Variants in KIAA1614 observed in about 807,000 individuals in gnomAD.
KIAA1614 encodes the protein uncharacterized protein KIAA1614.
Under a neutral mutation model 88.7 loss-of-function variants are expected in KIAA1614, and 76 were observed. The observed-to-expected ratio is 0.86, with a 90% CI of 0.71 to 1.04. The LOEUF is 1.04. KIAA1614 is among the 50% of genes least tolerant of loss of function. The probability of loss-of-function intolerance (pLI) is 0.00; values close to 1 mark genes in which losing one functional copy is unlikely to be tolerated. For synonymous variants in KIAA1614, 714 were observed against 675.5 expected, an observed-to-expected ratio of 1.06 and a Z score of -0.88; for missense variants, 1,553 against 1,582.5, an observed-to-expected ratio of 0.98 and a Z score of 0.32.
Position 180,944,374 on chromosome 1 carries a change from TC to T in KIAA1614, c.3160-12del. On this transcript the variant is annotated splice_polypyrimidine_tract_variant and intron_variant, in intron 7 of 8. Coordinates refer to ENST00000367588, the MANE Select transcript of KIAA1614 (RefSeq NM_020950.2). Reference sequence around the variant, plus strand: ...GTAGCTTTTCTCACCCGCAATATTGTCCCTTTCTCATCAGGTGTCACCCTCT... The same window carrying T: ...GTAGCTTTTCTCACCCGCAATATTGTCCTTTCTCATCAGGTGTCACCCTCT... The T allele has an allele frequency of 6.2e-7, 1 of 1,611,162 alleles. No individual in the cohort carries two copies. Among genetic ancestry groups the T allele is most frequent in the Non-Finnish European group, 8.5e-7 (1 of 1,178,126 alleles).
At position 180,947,467 on chromosome 1, in the gene KIAA1614, G is replaced by A. The variant is rs1199561914; in HGVS notation, c.*1879G>A. 2 of 152,158 alleles carry A rather than the reference G, an allele frequency of 1.3e-5. No homozygotes were observed. The highest frequency in any genetic ancestry group is 6.5e-5 in the Admixed American group (1 of 15,272). 9.4% of individuals were successfully genotyped at this position (152,158 alleles called of 1,614,324 possible). A position where few individuals can be genotyped will look rare whatever the true frequency, so the allele number is the denominator to read the frequency against. On this transcript the variant is annotated 3_prime_UTR_variant, in exon 9 of 9. Transcript: ENST00000367588. ...GGGAACGGCTGTGGAGATGGGGAGA[G>A]GGGAGAGGGGACAGGGGTTGGATTC...
intron 7 of KIAA1614, among the ~76,000 whole-genome samples, chr1:180,941,608 C>T (rs1456575000): frequency 6.6e-6 from 1 of 152,202 alleles, no homozygotes; most frequent in Non-Finnish European, 1.5e-5. Flanking sequence ...TTCTCCATGG[C>T]CATAGTGACT....
rs375396198 is a variant in KIAA1614 at position 180,924,979 on chromosome 1, ACTTAT to A, written c.1062-3446_1062-3442del. Among the ~76,000 whole-genome samples, 779 of 152,124 alleles carry A rather than the reference ACTTAT, an allele frequency of 5.1e-3. 6 individuals carry two copies. Among genetic ancestry groups the A allele is most frequent in the Non-Finnish European group, 8.8e-3 (601 of 67,996 alleles). The stretch of plus-strand genomic sequence containing the variant: ...AATCTCTTTTAAAGGAGTCACTCTC[ACTTAT>A]CTTAACAACTGAGCCCTTATTTAGC... On this transcript the variant is annotated intron_variant, in intron 3 of 8. Coordinates refer to ENST00000367588, the MANE Select transcript of KIAA1614 (RefSeq NM_020950.2).
intron 3 of KIAA1614, among the ~76,000 whole-genome samples, chr1:180,919,600 A>G (rs1285036142): frequency 6.6e-6 from 1 of 151,982 alleles, no homozygotes; most frequent in Non-Finnish European, 1.5e-5. Flanking sequence ...TCCTCCCTCG[A>G]TGAGGGAAGG....
intron 3 of KIAA1614, among the ~76,000 whole-genome samples, chr1:180,924,910 A>AATAATAATAATAATAAT (rs1475244918): frequency 1.4e-4 from 1 of 7,198 alleles, no homozygotes; most frequent in African/African-American, 2.2e-4. Context: ...ATAATAATAA[A>AATAATAATAATAATAAT]TGCTAACATT....
At position 180,950,331 on chromosome 1, in the gene KIAA1614, C is replaced by G; in HGVS notation, c.*4743C>G. 1.7e-6 allele frequency: 2 copies of G among 1,188,052 alleles called. No individual in the cohort carries two copies. Among genetic ancestry groups the G allele is most frequent in the Non-Finnish European group, 2.1e-6 (2 of 938,048 alleles). 73.6% of individuals were successfully genotyped at this position (1,188,052 alleles called of 1,614,324 possible). A position where few individuals can be genotyped will look rare whatever the true frequency, so the allele number is the denominator to read the frequency against. On this transcript the variant is annotated 3_prime_UTR_variant, in exon 9 of 9. Transcript: ENST00000367588. ...TGTCATTGTGAAATTCTCCTGTTTTCCTCTGCAGGGATCTACGTGCAGGAG... is the reference window on the plus strand; with the variant it reads ...TGTCATTGTGAAATTCTCCTGTTTTGCTCTGCAGGGATCTACGTGCAGGAG...
Position 180,941,397 on chromosome 1 carries a change from CAGT to C in KIAA1614, c.3159+115_3159+117del, listed in dbSNP as rs1654461689. On this transcript the variant is annotated intron_variant, in intron 7 of 8. Coordinates refer to ENST00000367588, the MANE Select transcript of KIAA1614 (RefSeq NM_020950.2). ...ATGAGGATGCCTCCCAAGGAGCCCA[CAGT>C]AGGGAGACGGAAGCTGCTGGCATCC... 2.6e-5 allele frequency: 34 copies of C among 1,323,786 alleles called. No homozygotes were observed. In the East Asian group the frequency reaches 8.2e-4, roughly 32 times the overall value. The allele number at this position is 1,323,786 out of a possible 1,614,324, so 82.0% of individuals were successfully genotyped here.
In KIAA1614 at chr1:180,947,561, C is replaced by T. The variant is rs922812754; in HGVS notation, c.*1973C>T. The stretch of plus-strand genomic sequence containing the variant: ...AAGAGAGGACAGGTCTCTGCCTACT[C>T]TGGACCTCAGGAGGATAAAAAGTCC... On this transcript the variant is annotated 3_prime_UTR_variant, in exon 9 of 9. Coordinates refer to ENST00000367588, the MANE Select transcript of KIAA1614 (RefSeq NM_020950.2). 16 of 152,224 alleles carry T rather than the reference C, an allele frequency of 1.1e-4. No individual in the cohort carries two copies. The highest frequency in any genetic ancestry group is 3.9e-4 in the African/African-American group (16 of 41,440). The allele number at this position is 152,224 out of a possible 1,614,324, so 9.4% of individuals were successfully genotyped here.
chr1:180,916,585 C>T lies in KIAA1614; in HGVS notation c.482C>T (p.Pro161Leu). Reference sequence around the variant, plus strand: ...GACGGCAGCATCAATGAGGAGCAACCCGCCAGGGATGGAGGCCCCAGGCTT... The same window carrying T: ...GACGGCAGCATCAATGAGGAGCAACTCGCCAGGGATGGAGGCCCCAGGCTT... ...QLDGSINEEQ[P>L]ARDGGPRLPR... The change falls in exon 2 of 9, where the codon CCC becomes CTC. Residue 161 changes from proline to leucine, a missense_variant. By Grantham distance (98) the Pro-to-Leu change is moderately conservative (BLOSUM62 -3). Transcript: ENST00000367588. 1 of 1,607,332 alleles carries T rather than the reference C, an allele frequency of 6.2e-7. No homozygotes were observed. The highest frequency in any genetic ancestry group is 8.5e-7 in the Non-Finnish European group (1 of 1,175,870).
intron 8 of KIAA1614, chr1:180,945,057 G>T (rs914593331): frequency 7.9e-6 from 4 of 506,290 alleles, no homozygotes; most frequent in Non-Finnish European, 1.4e-5. Flanking sequence ...CCCAAAATTT[G>T]AAACCACTGC....
chr1:180,928,646 A>G, intron 4 of KIAA1614, 73 bp downstream of exon 4: 13 of 1,471,712 alleles, frequency 8.8e-6, no homozygotes, highest in Non-Finnish European at 1.2e-5. Context: ...AAGAAGTGGG[A>G]TCTAGCCAAA....
chr1:180,917,448 T>C (rs1653844734), intron 2 of KIAA1614, among the ~76,000 whole-genome samples: 1 of 133,564 alleles, frequency 7.5e-6, no homozygotes, highest in South Asian at 2.8e-4. Context: ...CCTCACCCCT[T>C]AGTGAGGGCC....
chr1:180,929,987 A>C (rs981743964), intron 4 of KIAA1614, among the ~76,000 whole-genome samples: 2 of 152,250 alleles, frequency 1.3e-5, no homozygotes, highest in African/African-American at 2.4e-5. Context: ...CGACTCCTTC[A>C]TGAGCAGAGG....
At chr1:180,927,823 G>A (rs1299062431) in intron 3 of KIAA1614, among the ~76,000 whole-genome samples, 1 of 152,196 alleles carries the variant, frequency 6.6e-6, no homozygotes, top group Non-Finnish European at 1.5e-5. Context: ...GAGCCTGTGA[G>A]CCCTGAGCTG....
intron 7 of KIAA1614, among the ~76,000 whole-genome samples, chr1:180,941,852 C>T (rs1654473829): frequency 6.6e-6 from 1 of 152,240 alleles, no homozygotes; most frequent in African/African-American, 2.4e-5. Context: ...CATCCCTCCT[C>T]ATTCTTCTTT....
intron 1 of KIAA1614, among the ~76,000 whole-genome samples, chr1:180,915,007 T>G (rs1002558982): frequency 8.6e-5 from 13 of 151,052 alleles, no homozygotes; most frequent in Admixed American, 5.9e-4. Context: ...TTTCACCATG[T>G]TGGCCAGGCT....
chr1:180,920,076 G>T (rs1269598608), intron 3 of KIAA1614, among the ~76,000 whole-genome samples: 4 of 152,202 alleles, frequency 2.6e-5, no homozygotes, highest in Non-Finnish European at 5.9e-5. Flanking sequence ...TGCTGGCCTC[G>T]CTTGGCGCTC....
rs1234091579 is a variant in KIAA1614, at chr1:180,922,875, G to A, written c.1061+4961G>A. 7.9e-5 allele frequency among the ~76,000 whole-genome samples: 12 copies of A among 152,140 alleles called. No homozygotes were observed. The East Asian group carries it at 9.6e-4, about 12-fold the overall frequency. ...TGAGGGCTCAGTTCCACAAGACTGC[G>A]CCCACTTCAGATGCCAATTGCAAGT... On this transcript the variant is annotated intron_variant, in intron 3 of 8. Coordinates refer to ENST00000367588, the MANE Select transcript of KIAA1614 (RefSeq NM_020950.2).
In KIAA1614 at chr1:180,951,237, G is replaced by A. The variant is rs1426261803; in HGVS notation, c.*5649G>A. On this transcript the variant is annotated 3_prime_UTR_variant, in exon 9 of 9. Transcript: ENST00000367588. ...ACAACAACAACAAAGACCAATTTCA[G>A]GACGTGCTACTGTGGTAGCCAGGAT... The A allele has an allele frequency of 2.0e-5, 3 of 152,260 alleles. No homozygotes were observed. The highest frequency in any genetic ancestry group is 7.2e-5 in the African/African-American group (3 of 41,448). 9.4% of individuals were successfully genotyped at this position (152,260 alleles called of 1,614,324 possible).
Sources: allele counts gnomAD v4.1 joint callset (sites outside exome capture counted in the v4.1 genomes callset), GRCh38; gene constraint gnomAD v4.1.1; transcripts MANE v1.5; gene names NCBI Gene and HGNC (gene_info 2026-07-23, HGNC 2026-07-21).